The following GALNTL6 variants were observed in gnomAD, a reference collection of about 807,000 sequenced individuals.
GALNTL6 encodes the protein polypeptide N-acetylgalactosaminyltransferase like 6.
In GALNTL6, 46 loss-of-function variants were observed where a neutral mutation model predicts 73.7. The ratio of observed to expected loss-of-function variants is 0.62; its 90% confidence interval spans 0.49 to 0.80. The LOEUF (loss-of-function observed/expected upper bound fraction) is 0.80. Ranked by LOEUF, GALNTL6 falls within the 30% of genes least tolerant of loss-of-function variation. GALNTL6 has a pLI of 0.00. For synonymous variants in GALNTL6, 259 were observed against 263.7 expected (o/e 0.98, Z 0.17); for missense variants, 604 against 755.0 (o/e 0.80, Z 2.34).
chr4:172,917,820 C>A (rs552862910), intron 8 of GALNTL6, among the ~76,000 whole-genome samples: 142 of 152,290 alleles, frequency 9.3e-4, no homozygotes, highest in African/African-American at 3.2e-3. Context: ...ACTAGTTCAA[C>A]CATTGTGGAA....
At chr4:172,198,293 A>C (rs2110895199) in intron 2 of GALNTL6, among the ~76,000 whole-genome samples, 1 of 152,212 alleles carries the variant, frequency 6.6e-6, no homozygotes, top group South Asian at 2.1e-4. Flanking sequence ...AAAAAAAATA[A>C]AACAAAAATC....
intron 5 of GALNTL6, among the ~76,000 whole-genome samples, chr4:172,773,245 C>A (rs188100792): frequency 2.0e-5 from 3 of 152,190 alleles, no homozygotes; most frequent in East Asian, 1.9e-4. Flanking sequence ...TGTCACCCAG[C>A]CTGCAGTACA....
intron 5 of GALNTL6, among the ~76,000 whole-genome samples, chr4:172,774,940 A>G (rs1738986005): frequency 6.7e-6 from 1 of 150,220 alleles, no homozygotes; most frequent in South Asian, 2.1e-4. Context: ...AGCCTGGGTG[A>G]CAGAGCGAGG....
chr4:171,835,049 GTTC>G (rs1057267110), intron 2 of GALNTL6, among the ~76,000 whole-genome samples: 4 of 151,962 alleles, frequency 2.6e-5, no homozygotes, highest in Non-Finnish European at 4.4e-5. Flanking sequence ...CATTCTCCAT[GTTC>G]TTCTTGCCAT....
At chr4:172,086,594 G>A (rs113231289) in intron 2 of GALNTL6, among the ~76,000 whole-genome samples, 11 of 152,114 alleles carry the variant, frequency 7.2e-5, no homozygotes, top group African/African-American at 2.6e-4. Context: ...ATTAACTGGC[G>A]AGTCATGATT....
chr4:171,907,143 A>C (rs558430636), intron 2 of GALNTL6, among the ~76,000 whole-genome samples: 1,982 of 151,980 alleles, frequency 0.013, 49 homozygotes, highest in African/African-American at 0.045. Flanking sequence ...AGTTCTGGCC[A>C]GGGCAATTAG....
intron 5 of GALNTL6, among the ~76,000 whole-genome samples, chr4:172,567,751 G>A (rs1489719775): frequency 6.6e-6 from 1 of 152,134 alleles, no homozygotes; most frequent in East Asian, 1.9e-4. Context: ...CACAAGAATT[G>A]CTTGAAGCTG....
At chr4:172,730,552 A>G (rs1481538819) in intron 5 of GALNTL6, among the ~76,000 whole-genome samples, 2 of 152,210 alleles carry the variant, frequency 1.3e-5, no homozygotes, top group Admixed American at 1.3e-4. Context: ...ATGTTGAAAC[A>G]TTGTCTTACC....
chr4:172,946,941 C>T (rs191616278), intron 9 of GALNTL6, among the ~76,000 whole-genome samples: 21 of 151,894 alleles, frequency 1.4e-4, no homozygotes, highest in Admixed American at 1.1e-3. Context: ...TTGCCGGGCA[C>T]GAAAAGGGAG....
At chr4:172,580,640 T>C (rs1443432457) in intron 5 of GALNTL6, among the ~76,000 whole-genome samples, 1 of 152,210 alleles carries the variant, frequency 6.6e-6, no homozygotes, top group Non-Finnish European at 1.5e-5. Flanking sequence ...TGTTTCCCCT[T>C]CTTTGTAGCC....
At chr4:172,895,456 G>A (rs1746277121) in intron 8 of GALNTL6, among the ~76,000 whole-genome samples, 2 of 150,820 alleles carry the variant, frequency 1.3e-5, no homozygotes, top group Non-Finnish European at 3.0e-5. Flanking sequence ...CTGCAGGCCT[G>A]TAAGGTTTCT....
At chr4:172,420,388 CT>C (rs1179158562) in intron 5 of GALNTL6, among the ~76,000 whole-genome samples, 2 of 152,204 alleles carry the variant, frequency 1.3e-5, no homozygotes, top group Admixed American at 1.3e-4. Context: ...TTTGTAATTG[CT>C]TCACAGCATA....
intron 5 of GALNTL6, among the ~76,000 whole-genome samples, chr4:172,492,325 A>C (rs1471018488): frequency 1.3e-5 from 2 of 152,142 alleles, no homozygotes; most frequent in Non-Finnish European, 2.9e-5. Flanking sequence ...AAAATTGAAA[A>C]TGGAGATCAT....
chr4:172,584,849 A>C (rs1200041181), intron 5 of GALNTL6, among the ~76,000 whole-genome samples: 1 of 152,202 alleles, frequency 6.6e-6, no homozygotes, highest in East Asian at 1.9e-4. Flanking sequence ...CATAAAAGTG[A>C]ACAACATTGT....
At position 171,949,026 on chromosome 4, in the gene GALNTL6, A is replaced by G. The variant is rs192684249; in HGVS notation, c.138+134308A>G. Among the ~76,000 whole-genome samples, 7 of 152,140 alleles carry G rather than the reference A, an allele frequency of 4.6e-5. No individual in the cohort carries two copies. In the East Asian group the frequency reaches 1.4e-3, roughly 29 times the overall value. On this transcript the variant is annotated intron_variant, in intron 2 of 12. Coordinates refer to ENST00000506823, the MANE Select transcript of GALNTL6 (RefSeq NM_001034845.3). ...ACTCACTGAGTTGACATGACAATAA[A>G]AAAAGTATTCAGAGTGCGTCCAAAA... is the stretch of plus-strand genomic sequence containing the variant.
intron 5 of GALNTL6, among the ~76,000 whole-genome samples, chr4:172,640,751 C>T (rs1739937483): frequency 6.6e-6 from 1 of 152,094 alleles, no homozygotes; most frequent in Admixed American, 6.6e-5. Flanking sequence ...AAGGCCCTGC[C>T]TCCAAAGGTA....
chr4:172,952,348 T>C, intron 10 of GALNTL6, 90 bp downstream of exon 10: 1 of 842,140 alleles, frequency 1.2e-6, no homozygotes, highest in Non-Finnish European at 1.9e-6. Context: ...TGCTAAAACC[T>C]TCACTTTTAC....
Position 171,813,680 on chromosome 4 carries a change from C to CG in GALNTL6, c.-475dup, listed in dbSNP as rs1734441439. 1 of 152,356 alleles carries CG rather than the reference C, an allele frequency of 6.6e-6. No individual in the cohort carries two copies. The highest frequency in any genetic ancestry group is 2.4e-5 in the African/African-American group (1 of 41,452). The allele number at this position is 152,356 out of a possible 1,614,324, so 9.4% of individuals were successfully genotyped here. Reference sequence around the variant, plus strand: ...GAACAGCGGAGCGTGAGAGCGTCACCGGGGGAAGGGACGAGATTGATGGGC... The same window carrying CG: ...GAACAGCGGAGCGTGAGAGCGTCACCGGGGGGAAGGGACGAGATTGATGGGC... On this transcript the variant is annotated 5_prime_UTR_variant, in exon 1 of 13. Coordinates refer to ENST00000506823, the MANE Select transcript of GALNTL6 (RefSeq NM_001034845.3). The surrounding 1 kb of genome is among the most constrained non-coding windows in gnomAD (Gnocchi z 5.2).
intron 2 of GALNTL6, among the ~76,000 whole-genome samples, chr4:171,990,243 A>G (rs1371720041): frequency 6.6e-6 from 1 of 152,152 alleles, no homozygotes; most frequent in Non-Finnish European, 1.5e-5. Flanking sequence ...AATTAGCTAA[A>G]ATTTATCAAG....
Sources: allele counts gnomAD v4.1 joint callset (sites outside exome capture counted in the v4.1 genomes callset), GRCh38; gene constraint gnomAD v4.1.1; non-coding constraint Gnocchi (gnomAD v3.1); transcripts MANE v1.5; gene names NCBI Gene and HGNC (gene_info 2026-07-23, HGNC 2026-07-21).